BIN3: variants seen among roughly 807,000 people sequenced by gnomAD.
BIN3 encodes bridging integrator 3.
Under a neutral mutation model 38.2 loss-of-function variants are expected in BIN3, and 41 were observed. The ratio of observed to expected loss-of-function variants is 1.07; its 90% confidence interval spans 0.84 to 1.39. BIN3 has a LOEUF of 1.39. BIN3 is among the 40% of genes most tolerant of loss of function. The pLI, the probability that BIN3 is intolerant of heterozygous loss-of-function variation, is 0.00. For missense variants in BIN3, 361 were observed against 324.3 expected (o/e 1.11, Z -0.87); for synonymous variants, 145 against 122.6 (o/e 1.18, Z -1.21).
chr8:22,663,872 T>C (rs1048068010), intron 1 of BIN3, among the ~76,000 whole-genome samples: 1 of 152,234 alleles, frequency 6.6e-6, no homozygotes, highest in Non-Finnish European at 1.5e-5. Flanking sequence ...AAATTACATC[T>C]GCTTCAAGTC....
intron 7 of BIN3, 65 bp downstream of exon 7, chr8:22,624,157 G>A: frequency 1.3e-6 from 2 of 1,590,912 alleles, no homozygotes; most frequent in Non-Finnish European, 1.7e-6. Context: ...TGAGGGGAGG[G>A]ACTTACCACA....
At chr8:22,662,807 GA>G (rs1224097668) in intron 1 of BIN3, among the ~76,000 whole-genome samples, 2 of 150,950 alleles carry the variant, frequency 1.3e-5, no homozygotes, top group Admixed American at 6.6e-5. Context: ...AAGAAAAAAA[GA>G]AAAAAAAAGT....
At chr8:22,650,588 G>C (rs967399450) in intron 1 of BIN3, among the ~76,000 whole-genome samples, 1 of 152,140 alleles carries the variant, frequency 6.6e-6, no homozygotes, top group Non-Finnish European at 1.5e-5. Context: ...AGTGTGCACA[G>C]TCTAATAAGG....
At chr8:22,633,358 G>A (rs1563954252) in intron 4 of BIN3, among the ~76,000 whole-genome samples, 1 of 152,126 alleles carries the variant, frequency 6.6e-6, no homozygotes. Context: ...TGTGGTCCCT[G>A]CCCCAGCCCA....
rs1002852637 is a variant in BIN3 at position 22,632,532 on chromosome 8, G to A, written c.161-1954C>T. 4.6e-5 allele frequency among the ~76,000 whole-genome samples: 7 copies of A among 152,258 alleles called. No homozygotes were observed. In the South Asian group the frequency reaches 8.3e-4, roughly 18 times the overall value. ...CTGTAGATTTAGGAACAAACGTTAC[G>A]TATAACTTGATTTGATTATGAAATG... On this transcript the variant is annotated intron_variant, in intron 4 of 8. Transcript: ENST00000276416.
At chr8:22,659,057 G>GA (rs944501239) in intron 1 of BIN3, among the ~76,000 whole-genome samples, 1 of 152,356 alleles carries the variant, frequency 6.6e-6, no homozygotes. Context: ...CGGTGGGAGA[G>GA]AAACAACAGA....
At chr8:22,628,995 C>T (rs912444578) in intron 6 of BIN3, among the ~76,000 whole-genome samples, 1 of 152,236 alleles carries the variant, frequency 6.6e-6, no homozygotes, top group African/African-American at 2.4e-5. Flanking sequence ...GGCACAGTCC[C>T]TTCCCTCCCT....
chr8:22,649,859 C>CACACACA (rs1563973928), intron 1 of BIN3, among the ~76,000 whole-genome samples: 10,926 of 133,536 alleles, frequency 0.082, 593 homozygotes, highest in South Asian at 0.11. Flanking sequence ...ACACACACAC[C>CACACACA]CCCAAAGGAA....
At chr8:22,635,320 C>A (rs1450252392) in intron 4 of BIN3, among the ~76,000 whole-genome samples, 1 of 152,194 alleles carries the variant, frequency 6.6e-6, no homozygotes, top group African/African-American at 2.4e-5. Context: ...AGAACGTAAG[C>A]TCCCATCTTG....
chr8:22,649,387 C>T (rs1396424988), intron 1 of BIN3, among the ~76,000 whole-genome samples: 1 of 149,910 alleles, frequency 6.7e-6, no homozygotes, highest in African/African-American at 2.5e-5. Flanking sequence ...AAAGTATTCA[C>T]ACGAGAAACA....
chr8:22,666,683 T>C (rs1563173397), intron 1 of BIN3, among the ~76,000 whole-genome samples: 1 of 152,144 alleles, frequency 6.6e-6, no homozygotes, highest in Non-Finnish European at 1.5e-5. Context: ...TCATGCAAAG[T>C]CCACAGTGTG....
chr8:22,629,282 G>C (rs184707732), intron 6 of BIN3, among the ~76,000 whole-genome samples: 6 of 152,288 alleles, frequency 3.9e-5, no homozygotes, highest in African/African-American at 1.4e-4. Context: ...GGGCGAACAG[G>C]AGCTTTCTAG....
chr8:22,637,976 A>C (rs1332581134), intron 2 of BIN3, among the ~76,000 whole-genome samples: 1 of 152,212 alleles, frequency 6.6e-6, no homozygotes, highest in African/African-American at 2.4e-5. Flanking sequence ...TGAGGGGTAG[A>C]GTTGAGCACA....
At position 22,621,202 on chromosome 8, in the gene BIN3, T is replaced by A; in HGVS notation, c.*220A>T. 4 of 591,368 alleles carry A rather than the reference T, an allele frequency of 6.8e-6. No homozygotes were observed. The highest frequency in any genetic ancestry group is 5.9e-6 in the Non-Finnish European group (2 of 339,544). The allele number at this position is 591,368 out of a possible 1,614,324, so 36.6% of individuals were successfully genotyped here. On this transcript the variant is annotated 3_prime_UTR_variant, in exon 9 of 9. Transcript: ENST00000276416. ...CTCCAAATAAAAAAGCCCCAAGGGT[T>A]TGTCTACACTGCTTACCTGCTGGGG...
At chr8:22,659,600 G>A (rs1462732722) in intron 1 of BIN3, among the ~76,000 whole-genome samples, 1 of 152,204 alleles carries the variant, frequency 6.6e-6, no homozygotes, top group African/African-American at 2.4e-5. Context: ...CACAGGCACT[G>A]CTGATACATC....
chr8:22,645,705 A>G (rs894188723), intron 1 of BIN3, among the ~76,000 whole-genome samples: 2 of 152,200 alleles, frequency 1.3e-5, no homozygotes, highest in African/African-American at 4.8e-5. Flanking sequence ...TGTAATAGCT[A>G]TCATCCTTGA....
rs1801796132 is a variant in BIN3, at chr8:22,621,277, A to G, written c.*145T>C. The G allele has an allele frequency of 1.8e-6, 2 of 1,124,460 alleles. No homozygotes were observed. The highest frequency in any genetic ancestry group is 2.6e-5 in the Admixed American group (1 of 38,360). The allele number at this position is 1,124,460 out of a possible 1,614,324, so 69.7% of individuals were successfully genotyped here. A position where few individuals can be genotyped will look rare whatever the true frequency, so the allele number is the denominator to read the frequency against. ...GCCTAGGGCTCCTGGTGCCAGGCTCAGGAAGAGTCATTCATTGCAAAGGGC... is the reference window on the plus strand; with the variant it reads ...GCCTAGGGCTCCTGGTGCCAGGCTCGGGAAGAGTCATTCATTGCAAAGGGC... On this transcript the variant is annotated 3_prime_UTR_variant, in exon 9 of 9. Transcript: ENST00000276416.
chr8:22,643,831 G>T (rs567432513), intron 2 of BIN3, among the ~76,000 whole-genome samples: 1 of 152,226 alleles, frequency 6.6e-6, no homozygotes, highest in African/African-American at 2.4e-5. Context: ...GCACAGCACC[G>T]GACTTCCTGT....
At chr8:22,633,461 T>G (rs1802271916) in intron 4 of BIN3, among the ~76,000 whole-genome samples, 1 of 152,168 alleles carries the variant, frequency 6.6e-6, no homozygotes, top group South Asian at 2.1e-4. Flanking sequence ...TTAGAGAAAG[T>G]GAGGGTCTTG....
Sources: allele counts gnomAD v4.1 joint callset (sites outside exome capture counted in the v4.1 genomes callset), GRCh38; gene constraint gnomAD v4.1.1; transcripts MANE v1.5; gene names NCBI Gene and HGNC (gene_info 2026-07-23, HGNC 2026-07-21).